FBXL7: variants seen among roughly 807,000 people sequenced by gnomAD.
FBXL7 encodes the protein F-box and leucine rich repeat protein 7.
In FBXL7, 12 loss-of-function variants were observed where a neutral mutation model predicts 38.3. The observed-to-expected ratio is 0.31, with a 90% CI of 0.20 to 0.51. The LOEUF is 0.51. FBXL7 is among the 20% of genes least tolerant of loss of function. The pLI is 0.98. For synonymous variants in FBXL7, 297 were observed against 300.9 expected, an observed-to-expected ratio of 0.99 and a Z score of 0.13; for missense variants, 567 against 676.4, an observed-to-expected ratio of 0.84 and a Z score of 1.79.
In FBXL7 at chr5:15,500,548, C is replaced by A. The variant is rs542654103; in HGVS notation, c.-129C>A. The A allele has an allele frequency of 6.1e-6, 8 of 1,322,212 alleles. No individual in the cohort carries two copies. The highest frequency in any genetic ancestry group is 7.6e-6 in the Non-Finnish European group (7 of 915,610). 81.9% of individuals were successfully genotyped at this position (1,322,212 alleles called of 1,614,324 possible). A position where few individuals can be genotyped will look rare whatever the true frequency, so the allele number is the denominator to read the frequency against. On this transcript the variant is annotated 5_prime_UTR_variant, in exon 1 of 4. Transcript: ENST00000504595. ...GCGGGGACCTCTCCAGGCCGGAGGT[C>A]GGCCCCGGAGCTTGGGGGGGATGTG...
chr5:15,742,131 A>G (rs1444918259), intron 2 of FBXL7, among the ~76,000 whole-genome samples: 1 of 152,228 alleles, frequency 6.6e-6, no homozygotes, highest in Non-Finnish European at 1.5e-5. Context: ...CTACTTAATA[A>G]GGGGAGATTT....
intron 1 of FBXL7, among the ~76,000 whole-genome samples, chr5:15,561,512 T>G (rs992621510): frequency 2.0e-5 from 3 of 152,186 alleles, no homozygotes; most frequent in South Asian, 2.1e-4. Context: ...TCAATAATGC[T>G]GCAATGAACA....
At chr5:15,800,073 T>G (rs952368391) in intron 2 of FBXL7, among the ~76,000 whole-genome samples, 21 of 152,216 alleles carry the variant, frequency 1.4e-4, no homozygotes, top group Non-Finnish European at 2.9e-5. Flanking sequence ...TTAATAACAA[T>G]ATCTTATCCA....
chr5:15,737,215 G>A (rs1057469018), intron 2 of FBXL7, among the ~76,000 whole-genome samples: 5 of 152,064 alleles, frequency 3.3e-5, no homozygotes, highest in African/African-American at 1.2e-4. Flanking sequence ...TATCTATTCT[G>A]CACTGTTTAT....
intron 2 of FBXL7, among the ~76,000 whole-genome samples, chr5:15,891,808 G>A (rs866702279): frequency 6.6e-6 from 1 of 152,206 alleles, no homozygotes. Context: ...CAGTACCCAC[G>A]GACTAGCTAC....
At chr5:15,865,745 C>T (rs564480735) in intron 2 of FBXL7, among the ~76,000 whole-genome samples, 1 of 152,086 alleles carries the variant, frequency 6.6e-6, no homozygotes, top group African/African-American at 2.4e-5. Flanking sequence ...TTCTTGAAAA[C>T]AATATACAAT....
At chr5:15,853,219 C>G (rs1182257204) in intron 2 of FBXL7, among the ~76,000 whole-genome samples, 1 of 152,118 alleles carries the variant, frequency 6.6e-6, no homozygotes, top group Non-Finnish European at 1.5e-5. Context: ...CATGCAAGCA[C>G]TGAGTGCCAT....
At chr5:15,621,628 G>A (rs1226074599) in intron 2 of FBXL7, among the ~76,000 whole-genome samples, 1 of 152,184 alleles carries the variant, frequency 6.6e-6, no homozygotes, top group Admixed American at 6.5e-5. Flanking sequence ...AAGGTATGAG[G>A]CTATGGCTCT....
intron 1 of FBXL7, among the ~76,000 whole-genome samples, chr5:15,583,173 G>A (rs1039574204): frequency 1.3e-5 from 2 of 152,080 alleles, no homozygotes; most frequent in Admixed American, 6.6e-5. Context: ...CAGATCTTAC[G>A]AGAACTCACT....
intron 2 of FBXL7, among the ~76,000 whole-genome samples, chr5:15,782,773 G>A (rs964474205): frequency 1.3e-5 from 2 of 152,080 alleles, no homozygotes; most frequent in Non-Finnish European, 1.5e-5. Flanking sequence ...GCATTTTCTT[G>A]TGAAAAGTTG....
At chr5:15,897,245 C>G (rs1021008796) in intron 2 of FBXL7, among the ~76,000 whole-genome samples, 1 of 152,146 alleles carries the variant, frequency 6.6e-6, no homozygotes, top group African/African-American at 2.4e-5. Flanking sequence ...TCTATGCAAT[C>G]ACTCACCTTG....
At chr5:15,622,693 A>C (rs2126529672) in intron 2 of FBXL7, among the ~76,000 whole-genome samples, 1 of 152,166 alleles carries the variant, frequency 6.6e-6, no homozygotes, top group Non-Finnish European at 1.5e-5. Flanking sequence ...AGAGAAATGA[A>C]GGGATTTGCT....
At chr5:15,830,485 A>ACACAC (rs1554024729) in intron 2 of FBXL7, among the ~76,000 whole-genome samples, 12,297 of 144,224 alleles carry the variant, frequency 0.085, 654 homozygotes, top group East Asian at 0.15. Context: ...CTCCATCTAA[A>ACACAC]ACACACACAC....
At chr5:15,784,907 A>G (rs942876903) in intron 2 of FBXL7, among the ~76,000 whole-genome samples, 1 of 152,136 alleles carries the variant, frequency 6.6e-6, no homozygotes, top group Non-Finnish European at 1.5e-5. Flanking sequence ...ATTAGCTTCT[A>G]TTTCACTAGC....
chr5:15,694,678 C>G (rs1392658642), intron 2 of FBXL7, among the ~76,000 whole-genome samples: 1 of 152,068 alleles, frequency 6.6e-6, no homozygotes, highest in Non-Finnish European at 1.5e-5. Flanking sequence ...GTCATTTTGA[C>G]ACCTTTATTA....
rs1341240395 is a variant in FBXL7, at chr5:15,519,465, CAAACA to C, written c.37+18756_37+18760del. On this transcript the variant is annotated intron_variant, in intron 1 of 3. Coordinates refer to ENST00000504595, the MANE Select transcript of FBXL7 (RefSeq NM_012304.5). Reference sequence around the variant, plus strand: ...AAAACAAAAAAAAAAAACAAACAAACAAACAAAAAAAACTTGTTGAAATTAATTTT... The same window carrying C: ...AAAACAAAAAAAAAAAACAAACAAACAAAAAAACTTGTTGAAATTAATTTT... Among the ~76,000 whole-genome samples, 1,065 of 150,176 alleles carry C rather than the reference CAAACA, an allele frequency of 7.1e-3. 12 individuals are homozygous for C. Among genetic ancestry groups the C allele is most frequent in the African/African-American group, 0.025 (1,030 of 40,828 alleles).
At chr5:15,719,719 G>A (rs1433351132) in intron 2 of FBXL7, among the ~76,000 whole-genome samples, 1 of 148,654 alleles carries the variant, frequency 6.7e-6, no homozygotes, top group Non-Finnish European at 1.5e-5. Flanking sequence ...TACAAGGACG[G>A]CACTTATTTG....
At chr5:15,523,916 A>G (rs1387594316) in intron 1 of FBXL7, among the ~76,000 whole-genome samples, 1 of 152,146 alleles carries the variant, frequency 6.6e-6, no homozygotes, top group Non-Finnish European at 1.5e-5. Context: ...GGGAGAATGG[A>G]TTTTGCAGAA....
At chr5:15,719,635 G>A (rs1377293777) in intron 2 of FBXL7, among the ~76,000 whole-genome samples, 1 of 148,860 alleles carries the variant, frequency 6.7e-6, no homozygotes, top group East Asian at 1.9e-4. Flanking sequence ...ATTCCTGTGA[G>A]GGTGGCAATT....
Sources: gnomAD v4.1 joint callset for allele counts (sites outside exome capture counted in the v4.1 genomes callset) on GRCh38, gnomAD v4.1.1 for gene constraint, MANE v1.5 for transcripts, NCBI Gene and HGNC (gene_info 2026-07-23, HGNC 2026-07-21) for gene names.